Variants in MAGI2 observed in about 807,000 individuals in gnomAD.
MAGI2 encodes the protein membrane-associated guanylate kinase, WW and PDZ domain-containing protein 2.
A neutral mutation model predicts 133.3 loss-of-function variants in MAGI2; 35 were observed. The observed-to-expected ratio is 0.26, with a 90% CI of 0.20 to 0.35. The LOEUF (loss-of-function observed/expected upper bound fraction) is 0.35. MAGI2 is among the 10% of genes least tolerant of loss of function. MAGI2 has a pLI of 1.00. For synonymous variants in MAGI2, 729 were observed against 710.6 expected (o/e 1.03, Z -0.41); for missense variants, 1,636 against 1,863.4 (o/e 0.88, Z 2.25).
chr7:79,214,732 TAAATATAAATATATA>T lies in MAGI2; in HGVS notation c.302-207541_302-207527del, dbSNP rs1256340503. Among the ~76,000 whole-genome samples, 52 of 137,334 alleles carry T rather than the reference TAAATATAAATATATA, an allele frequency of 3.8e-4. No homozygotes were observed. The East Asian group carries it at 9.9e-3, about 26-fold the overall frequency. 90.1% of individuals were successfully genotyped at this position (137,334 alleles called of 152,430 possible). A position where few individuals can be genotyped will look rare whatever the true frequency, so the allele number is the denominator to read the frequency against. On this transcript the variant is annotated intron_variant, in intron 1 of 21. Coordinates refer to ENST00000354212, the MANE Select transcript of MAGI2 (RefSeq NM_012301.4). ...ACATAAATATAAATATATAAATATATAAATATAAATATATAAATACATATATGATATATAAATAGA... is the reference window on the plus strand; with the variant it reads ...ACATAAATATAAATATATAAATATATAATACATATATGATATATAAATAGA...
At chr7:79,092,297 T>A (rs990020608) in intron 1 of MAGI2, among the ~76,000 whole-genome samples, 19 of 152,184 alleles carry the variant, frequency 1.2e-4, no homozygotes, top group African/African-American at 4.6e-4. Context: ...TGGTATGCCC[T>A]GTGAAGTTCC....
intron 2 of MAGI2, among the ~76,000 whole-genome samples, chr7:78,656,010 A>T (rs1584985854): frequency 1.3e-5 from 2 of 148,630 alleles, no homozygotes; most frequent in Non-Finnish European, 1.5e-5. Flanking sequence ...AAAAGAAAAG[A>T]GGTTTGAAAA....
At chr7:78,392,771 G>A (rs1437278476) in intron 6 of MAGI2, among the ~76,000 whole-genome samples, 1 of 152,180 alleles carries the variant, frequency 6.6e-6, no homozygotes, top group Non-Finnish European at 1.5e-5. Context: ...AGCCTCCTGA[G>A]TAGCTGGGAT....
At chr7:78,180,693 A>G (rs1350547363) in intron 13 of MAGI2, among the ~76,000 whole-genome samples, 1 of 152,088 alleles carries the variant, frequency 6.6e-6, no homozygotes, top group East Asian at 1.9e-4. Context: ...CATTTATTTC[A>G]TCTTCACTCT....
At chr7:79,438,919 T>C (rs148440180) in intron 1 of MAGI2, among the ~76,000 whole-genome samples, 204 of 152,272 alleles carry the variant, frequency 1.3e-3, no homozygotes, top group African/African-American at 4.8e-3. Flanking sequence ...TTTATCCACC[T>C]ACAGTATAAT....
chr7:78,180,404 A>G (rs1827079722), intron 13 of MAGI2, among the ~76,000 whole-genome samples: 1 of 152,198 alleles, frequency 6.6e-6, no homozygotes, highest in South Asian at 2.1e-4. Context: ...TCAGGAATGG[A>G]ACTTTCAGAG....
chr7:78,752,263 CT>C (rs1177724380), intron 2 of MAGI2, among the ~76,000 whole-genome samples: 1 of 152,136 alleles, frequency 6.6e-6, no homozygotes, highest in Non-Finnish European at 1.5e-5. Flanking sequence ...TTGATTTTGT[CT>C]GTTTTTGAAC....
intron 6 of MAGI2, among the ~76,000 whole-genome samples, chr7:78,469,664 G>A (rs1471483270): frequency 6.6e-6 from 1 of 152,106 alleles, no homozygotes; most frequent in African/African-American, 2.4e-5. Flanking sequence ...ACCTTGAATA[G>A]TAGTGCAGGT....
At chr7:78,875,675 C>T (rs1795361449) in intron 2 of MAGI2, among the ~76,000 whole-genome samples, 1 of 152,040 alleles carries the variant, frequency 6.6e-6, no homozygotes, top group African/African-American at 2.4e-5. Flanking sequence ...TGACCAATTT[C>T]AACCCAAAAT....
intron 1 of MAGI2, among the ~76,000 whole-genome samples, chr7:79,409,268 A>T (rs28396540): frequency 0.24 from 36,315 of 151,804 alleles, 5,535 homozygotes; most frequent in African/African-American, 0.41. Context: ...TATCTTTTTT[A>T]AAATGTTTTG....
chr7:79,135,137 T>C (rs1474405270), intron 1 of MAGI2, among the ~76,000 whole-genome samples: 2 of 152,166 alleles, frequency 1.3e-5, no homozygotes, highest in Non-Finnish European at 2.9e-5. Context: ...ATGGATATGA[T>C]TTATATGTAA....
chr7:78,348,257 C>G (rs1235557111), intron 7 of MAGI2: 1 of 152,186 alleles, frequency 6.6e-6, no homozygotes, highest in Non-Finnish European at 1.5e-5. Context: ...GGGCAAATTT[C>G]TAACTCTCTA....
At chr7:78,294,393 A>G (rs775048995) in intron 9 of MAGI2, among the ~76,000 whole-genome samples, 59 of 152,224 alleles carry the variant, frequency 3.9e-4, no homozygotes, top group Admixed American at 6.5e-5. Context: ...TATTTAGTGT[A>G]GTTTCTATTT....
chr7:78,812,869 T>A (rs979754312), intron 2 of MAGI2, among the ~76,000 whole-genome samples: 5 of 152,196 alleles, frequency 3.3e-5, no homozygotes, highest in African/African-American at 1.2e-4. Flanking sequence ...AGAGAAAATG[T>A]GTAACAGTTA....
chr7:79,060,694 G>C (rs916295746), intron 1 of MAGI2, among the ~76,000 whole-genome samples: 2 of 152,052 alleles, frequency 1.3e-5, no homozygotes, highest in Non-Finnish European at 2.9e-5. Flanking sequence ...GATAAAGCAC[G>C]AGAATTAAGG....
chr7:78,533,149 TA>T (rs1306044867), intron 3 of MAGI2, among the ~76,000 whole-genome samples: 1 of 152,156 alleles, frequency 6.6e-6, no homozygotes, highest in Non-Finnish European at 1.5e-5. Flanking sequence ...ACTAATTCTT[TA>T]AAGGTGTAAA....
intron 20 of MAGI2, among the ~76,000 whole-genome samples, chr7:78,116,467 C>T (rs1819881347): frequency 6.6e-6 from 1 of 151,662 alleles, no homozygotes; most frequent in Non-Finnish European, 1.5e-5. Context: ...TGTAAGCTGA[C>T]TCTCTGAAAA....
intron 2 of MAGI2, among the ~76,000 whole-genome samples, chr7:78,922,784 G>C (rs1343574855): frequency 2.7e-5 from 4 of 150,934 alleles, no homozygotes; most frequent in African/African-American, 4.9e-5. Context: ...TTCCACAATG[G>C]TTGAACTAGT....
intron 4 of MAGI2, among the ~76,000 whole-genome samples, chr7:78,521,211 C>T (rs1158463140): frequency 6.6e-6 from 1 of 151,598 alleles, no homozygotes; most frequent in Non-Finnish European, 1.5e-5. Context: ...ATTCTTTCAA[C>T]TTCTTTAATT....
Sources: allele counts gnomAD v4.1 joint callset (sites outside exome capture counted in the v4.1 genomes callset), GRCh38; gene constraint gnomAD v4.1.1; transcripts MANE v1.5; gene names NCBI Gene and HGNC (gene_info 2026-07-23, HGNC 2026-07-21).